RAB3GAP2: variants seen among roughly 807,000 people sequenced by gnomAD.
RAB3GAP2 encodes the protein RAB3 GTPase activating non-catalytic protein subunit 2, also known as rab3 GTPase-activating protein non-catalytic subunit.
In RAB3GAP2, 87 loss-of-function variants were observed where a neutral mutation model predicts 185.3. The observed-to-expected ratio is 0.47, with a 90% confidence interval of 0.39 to 0.56. The LOEUF is 0.56. Ranked by LOEUF, RAB3GAP2 falls within the 20% of genes least tolerant of loss-of-function variation. The pLI is 0.00. For synonymous variants in RAB3GAP2, 554 were observed against 576.1 expected, an observed-to-expected ratio of 0.96 and a Z score of 0.55; for missense variants, 1,492 against 1,638.2, an observed-to-expected ratio of 0.91 and a Z score of 1.54.
At chr1:220,163,744 C>CATATATATATATATAT (rs373160821) in intron 27 of RAB3GAP2, among the ~76,000 whole-genome samples, 15 of 122,986 alleles carry the variant, frequency 1.2e-4, no homozygotes, top group African/African-American at 3.8e-4. Flanking sequence ...TAAATACATA[C>CATATATATATATATAT]ATATATATAT....
chr1:220,228,132 T>C (rs759920626), intron 2 of RAB3GAP2, among the ~76,000 whole-genome samples: 18 of 152,296 alleles, frequency 1.2e-4, no homozygotes, highest in Middle Eastern at 6.8e-3. Context: ...CCAAACCTGG[T>C]TCCTTCTTTA....
At chr1:220,192,417 T>TA (rs1348419289) in intron 13 of RAB3GAP2, among the ~76,000 whole-genome samples, 1 of 152,224 alleles carries the variant, frequency 6.6e-6, no homozygotes, top group East Asian at 1.9e-4. Flanking sequence ...AATTGTGGTC[T>TA]ATGCTGACAT....
chr1:220,250,380 G>A (rs1043293062), intron 1 of RAB3GAP2, among the ~76,000 whole-genome samples: 4 of 152,224 alleles, frequency 2.6e-5, no homozygotes, highest in African/African-American at 4.8e-5. Flanking sequence ...TGGAAAAGGT[G>A]TATTTACCCC....
chr1:220,265,607 C>T (rs72749213), intron 1 of RAB3GAP2, among the ~76,000 whole-genome samples: 2,783 of 152,046 alleles, frequency 0.018, 78 homozygotes, highest in Admixed American at 0.077. Context: ...AAAGTGGGGA[C>T]CTATACTCCA....
rs998313410 is a variant in RAB3GAP2 at position 220,155,547 on chromosome 1, C to T, written c.3556-1490G>A. On this transcript the variant is annotated intron_variant, in intron 31 of 34. Coordinates refer to ENST00000358951, the MANE Select transcript of RAB3GAP2 (RefSeq NM_012414.4). The stretch of plus-strand genomic sequence containing the variant: ...TAATAGCACCACTTATTATTTACTA[C>T]ATTCCAGATGCTGCTAAGTACTTCA... Among the ~76,000 whole-genome samples the T allele has an allele frequency of 2.0e-5, 3 of 152,236 alleles. No individual in the cohort carries two copies. In the South Asian group the frequency reaches 6.2e-4, roughly 32 times the overall value.
chr1:220,234,874 T>C (rs139499000), intron 1 of RAB3GAP2, among the ~76,000 whole-genome samples: 26 of 152,332 alleles, frequency 1.7e-4, no homozygotes, highest in African/African-American at 5.3e-4. Context: ...AAAGATGCAA[T>C]GTATATGACG....
At chr1:220,269,387 A>T (rs1349438317) in intron 1 of RAB3GAP2, among the ~76,000 whole-genome samples, 1 of 152,172 alleles carries the variant, frequency 6.6e-6, no homozygotes, top group Non-Finnish European at 1.5e-5. Context: ...AGAACTTTGG[A>T]TTTTACGTTA....
At chr1:220,233,830 A>G (rs1659545032) in intron 1 of RAB3GAP2, among the ~76,000 whole-genome samples, 1 of 152,040 alleles carries the variant, frequency 6.6e-6, no homozygotes, top group Non-Finnish European at 1.5e-5. Flanking sequence ...TCTCTGGAGT[A>G]GCTGGGACTA....
At chr1:220,187,197 T>C (rs1318794001) in intron 17 of RAB3GAP2, among the ~76,000 whole-genome samples, 1 of 152,216 alleles carries the variant, frequency 6.6e-6, no homozygotes, top group Non-Finnish European at 1.5e-5. Flanking sequence ...CCCCAGTACC[T>C]GACACAGAGT....
chr1:220,215,183 T>C (rs1286085623), intron 2 of RAB3GAP2, among the ~76,000 whole-genome samples: 4 of 152,012 alleles, frequency 2.6e-5, no homozygotes, highest in Non-Finnish European at 5.9e-5. Flanking sequence ...AATAGGTTTA[T>C]AAATTCCTCA....
chr1:220,151,666 T>C lies in RAB3GAP2; in HGVS notation c.3966A>G (p.Lys1322=), dbSNP rs150226729. The C allele has an allele frequency of 3.7e-4, 590 of 1,611,914 alleles. 1 individual carries two copies. In the African/African-American group the frequency reaches 6.9e-3, roughly 19 times the overall value. Residue 1322 remains lysine (K), a synonymous_variant, in exon 34 of 35, where the codon AAA becomes AAG. Transcript: ENST00000358951. ...GTCTGGCAAGCAGCTCCATTCCTTCTTTTGTCTGGGTGTGGAGAAGCGCAT... is the reference window on the plus strand; with the variant it reads ...GTCTGGCAAGCAGCTCCATTCCTTCCTTTGTCTGGGTGTGGAGAAGCGCAT... ...LAHALLHTQT[K]EGMELLARLP...
intron 20 of RAB3GAP2, 100 bp from the exon 21 acceptor site, chr1:220,182,454 T>G: frequency 6.4e-7 from 1 of 1,552,668 alleles, no homozygotes; most frequent in Non-Finnish European, 8.7e-7. Context: ...AAACAAAACA[T>G]TATGAAGGAA....
In RAB3GAP2 at chr1:220,267,606, G is replaced by A. The variant is rs567959611; in HGVS notation, c.115+4617C>T. ...CTCCTCAGGATTATTTTCAGGTGCC[G>A]ACAGCGGGGACTGCTTGCTGTTTTG... is the stretch of plus-strand genomic sequence containing the variant. On this transcript the variant is annotated intron_variant, in intron 1 of 34. Coordinates refer to ENST00000358951, the MANE Select transcript of RAB3GAP2 (RefSeq NM_012414.4). The A allele has an allele frequency of 5.4e-5, 73 of 1,363,576 alleles. No individual in the cohort carries two copies. In the African/African-American group the frequency reaches 6.1e-4, roughly 11 times the overall value. 84.5% of individuals were successfully genotyped at this position (1,363,576 alleles called of 1,614,324 possible). A position where few individuals can be genotyped will look rare whatever the true frequency, so the allele number is the denominator to read the frequency against.
intron 1 of RAB3GAP2, among the ~76,000 whole-genome samples, chr1:220,262,949 C>T (rs1467591917): frequency 2.0e-5 from 3 of 151,828 alleles, no homozygotes; most frequent in South Asian, 4.2e-4. Flanking sequence ...TAATTCTCCA[C>T]ATCCTCACCA....
chr1:220,249,270 T>C (rs1659885749), intron 1 of RAB3GAP2, among the ~76,000 whole-genome samples: 1 of 152,120 alleles, frequency 6.6e-6, no homozygotes, highest in Admixed American at 6.5e-5. Flanking sequence ...TGAATGGCTT[T>C]TACCAAAATG....
chr1:220,151,784 G>A lies in RAB3GAP2; in HGVS notation c.3868-20C>T, dbSNP rs1274504534. 20 of 1,584,480 alleles carry A rather than the reference G, an allele frequency of 1.3e-5. No individual in the cohort carries two copies. Among genetic ancestry groups the A allele is most frequent in the Non-Finnish European group, 1.6e-5 (19 of 1,153,480 alleles). On this transcript the variant is annotated intron_variant, in intron 33 of 34. Transcript: ENST00000358951. Reference sequence around the variant, plus strand: ...AATGGCCTGAAGATAGGAACATGGAGAAATAATACAGTCAGAGTGAGCAGA... The same window carrying A: ...AATGGCCTGAAGATAGGAACATGGAAAAATAATACAGTCAGAGTGAGCAGA...
chr1:220,224,730 A>C (rs1330435833), intron 2 of RAB3GAP2, among the ~76,000 whole-genome samples: 1 of 152,158 alleles, frequency 6.6e-6, no homozygotes, highest in African/African-American at 2.4e-5. Context: ...AAAAGGCACA[A>C]AATGTGAGAG....
At chr1:220,267,042 G>T in intron 1 of RAB3GAP2, 1 of 1,611,546 alleles carries the variant, frequency 6.2e-7, no homozygotes, top group Non-Finnish European at 8.5e-7. Context: ...GGTAGTCCAG[G>T]GTGCCACAGA....
intron 18 of RAB3GAP2, among the ~76,000 whole-genome samples, chr1:220,184,665 T>A (rs1658476622): frequency 6.6e-6 from 1 of 152,114 alleles, no homozygotes; most frequent in Non-Finnish European, 1.5e-5. Context: ...AATCTTATGT[T>A]TATGTAGAAC....
Sources: allele counts gnomAD v4.1 joint callset (sites outside exome capture counted in the v4.1 genomes callset), GRCh38; gene constraint gnomAD v4.1.1; transcripts MANE v1.5; gene names NCBI Gene and HGNC (gene_info 2026-07-23, HGNC 2026-07-21).